The following CDH12 variants were observed in gnomAD, a reference collection of about 807,000 sequenced individuals.
CDH12 encodes the protein cadherin-12.
Under a neutral mutation model 74.1 loss-of-function variants are expected in CDH12, and 41 were observed. The ratio of observed to expected loss-of-function variants is 0.55; its 90% CI spans 0.43 to 0.72. The LOEUF (loss-of-function observed/expected upper bound fraction) is 0.72, where lower values mean the gene tolerates loss of function less well. Among genes scored for constraint, CDH12 ranks in the 30% least tolerant of loss-of-function variants. The probability of loss-of-function intolerance (pLI) is 0.00; values close to 1 mark genes in which losing one functional copy is unlikely to be tolerated. For synonymous variants in CDH12, 399 were observed against 355.0 expected, an observed-to-expected ratio of 1.12 and a Z score of -1.39; for missense variants, 945 against 977.2, an observed-to-expected ratio of 0.97 and a Z score of 0.44.
chr5:22,182,669 T>C (rs1318652855), intron 4 of CDH12, among the ~76,000 whole-genome samples: 1 of 152,210 alleles, frequency 6.6e-6, no homozygotes, highest in African/African-American at 2.4e-5. Flanking sequence ...CCCAAGATCC[T>C]GCCTGGACTG....
At chr5:21,990,140 C>T (rs974640901) in intron 5 of CDH12, among the ~76,000 whole-genome samples, 3 of 152,136 alleles carry the variant, frequency 2.0e-5, no homozygotes, top group Non-Finnish European at 2.9e-5. Flanking sequence ...GACACAATCA[C>T]ACCATATTTA....
intron 5 of CDH12, among the ~76,000 whole-genome samples, chr5:22,028,014 G>C (rs895923538): frequency 6.6e-6 from 1 of 151,952 alleles, no homozygotes; most frequent in Non-Finnish European, 1.5e-5. Context: ...GGTATGTTGT[G>C]TCTTTGTTCT....
In CDH12 at chr5:21,996,026, A is replaced by G. The variant is rs527775105; in HGVS notation, c.232-20641T>C. Among the ~76,000 whole-genome samples, 12 of 151,066 alleles carry G rather than the reference A, an allele frequency of 7.9e-5. No individual in the cohort carries two copies. The South Asian group carries it at 2.3e-3, about 29-fold the overall frequency. ...CACGTTGGTGCTAATGAAGCTTGAA[A>G]TTTATTGACCTTCTCATAAGAAGGA... On this transcript the variant is annotated intron_variant, in intron 5 of 14. Transcript: ENST00000382254.
At position 21,828,216 on chromosome 5, in the gene CDH12, G is replaced by A. The variant is rs184996682; in HGVS notation, c.815-11084C>T. Among the ~76,000 whole-genome samples the A allele has an allele frequency of 3.0e-3, 451 of 151,618 alleles. 3 individuals are homozygous for A. The highest frequency in any genetic ancestry group is 5.1e-3 in the Non-Finnish European group (349 of 67,962). On this transcript the variant is annotated intron_variant, in intron 8 of 14. Transcript: ENST00000382254. The stretch of plus-strand genomic sequence containing the variant: ...CATCTCACTGCACCGTCCACCTTCC[G>A]GGTTCAAGCAATTCTCCTGTCTCAG...
At chr5:22,013,981 C>T (rs532639797) in intron 5 of CDH12, among the ~76,000 whole-genome samples, 36 of 152,228 alleles carry the variant, frequency 2.4e-4, no homozygotes, top group East Asian at 1.5e-3. Flanking sequence ...AGTCCCAGCA[C>T]TTTGGGAGGC....
intron 1 of CDH12, among the ~76,000 whole-genome samples, chr5:22,725,632 G>A (rs1326567359): frequency 6.6e-6 from 1 of 151,068 alleles, no homozygotes; most frequent in African/African-American, 2.4e-5. Flanking sequence ...TCTCACTTTT[G>A]AGGGCCCCAT....
intron 3 of CDH12, among the ~76,000 whole-genome samples, chr5:22,306,792 T>A (rs991670688): frequency 2.0e-5 from 3 of 152,170 alleles, no homozygotes; most frequent in African/African-American, 4.8e-5. Context: ...TTAAGATACT[T>A]ATAAATATTA....
At chr5:21,828,581 A>G (rs1748812278) in intron 8 of CDH12, among the ~76,000 whole-genome samples, 1 of 152,190 alleles carries the variant, frequency 6.6e-6, no homozygotes, top group Non-Finnish European at 1.5e-5. Flanking sequence ...AGACAAAACT[A>G]ATTCTTTCAT....
chr5:22,214,166 G>A (rs1468187776), intron 3 of CDH12, among the ~76,000 whole-genome samples: 1 of 152,044 alleles, frequency 6.6e-6, no homozygotes, highest in Non-Finnish European at 1.5e-5. Context: ...AAACTTCAGG[G>A]TAACTGAATT....
intron 2 of CDH12, among the ~76,000 whole-genome samples, chr5:22,491,069 G>A (rs773376962): frequency 3.9e-5 from 6 of 152,138 alleles, no homozygotes; most frequent in Non-Finnish European, 5.9e-5. Flanking sequence ...TGATGTTTGT[G>A]CTTCTAATGA....
chr5:22,741,725 T>C (rs1311622537), intron 1 of CDH12, among the ~76,000 whole-genome samples: 1 of 152,200 alleles, frequency 6.6e-6, no homozygotes, highest in Non-Finnish European at 1.5e-5. Flanking sequence ...TTCTTCCTTC[T>C]ATACTACATG....
At chr5:22,689,323 C>T (rs963791056) in intron 1 of CDH12, among the ~76,000 whole-genome samples, 3 of 152,088 alleles carry the variant, frequency 2.0e-5, no homozygotes, top group Admixed American at 1.3e-4. Context: ...TTTTGGCCCT[C>T]AGCTAACAGT....
intron 3 of CDH12, among the ~76,000 whole-genome samples, chr5:22,311,983 T>C (rs1738414503): frequency 6.6e-6 from 1 of 152,168 alleles, no homozygotes; most frequent in South Asian, 2.1e-4. Context: ...AAAACTATTA[T>C]GATCATGCAG....
chr5:22,366,178 T>C (rs1245018530), intron 3 of CDH12, among the ~76,000 whole-genome samples: 2 of 152,088 alleles, frequency 1.3e-5, no homozygotes, highest in Admixed American at 6.6e-5. Flanking sequence ...AGGCTGGTGT[T>C]GAACTCCTGA....
At chr5:22,631,871 C>T (rs1738602976) in intron 1 of CDH12, among the ~76,000 whole-genome samples, 1 of 152,064 alleles carries the variant, frequency 6.6e-6, no homozygotes, top group South Asian at 2.1e-4. Context: ...CTTGTGAGAA[C>T]TCTATCACAA....
intron 1 of CDH12, among the ~76,000 whole-genome samples, chr5:22,602,067 A>G (rs1736877197): frequency 6.6e-6 from 1 of 152,170 alleles, no homozygotes; most frequent in Admixed American, 6.5e-5. Context: ...TGAGATGGTC[A>G]TTTAAAATAA....
intron 2 of CDH12, among the ~76,000 whole-genome samples, chr5:22,462,942 T>C (rs1274837339): frequency 6.6e-6 from 1 of 152,164 alleles, no homozygotes; most frequent in Non-Finnish European, 1.5e-5. Flanking sequence ...ATTTGTTTCA[T>C]TAAAGATTCC....
intron 3 of CDH12, among the ~76,000 whole-genome samples, chr5:22,250,190 A>AAC (rs149948194): frequency 5.3e-5 from 8 of 150,214 alleles, no homozygotes; most frequent in African/African-American, 2.0e-4. Flanking sequence ...AAAAGAAAAG[A>AAC]ATATATATAT....
chr5:22,192,996 CT>C (rs1750397095), intron 4 of CDH12, among the ~76,000 whole-genome samples: 4 of 152,024 alleles, frequency 2.6e-5, no homozygotes, highest in Admixed American at 2.6e-4. Flanking sequence ...CGGAAAAAAA[CT>C]GAGATTTGTG....
Sources: allele counts gnomAD v4.1 joint callset (sites outside exome capture counted in the v4.1 genomes callset), GRCh38; gene constraint gnomAD v4.1.1; transcripts MANE v1.5; gene names NCBI Gene and HGNC (gene_info 2026-07-23, HGNC 2026-07-21).